NAV2: variants seen among roughly 807,000 people sequenced by gnomAD.
NAV2 encodes the protein helicase, APC down-regulated 1.
Under a neutral mutation model 223.2 loss-of-function variants are expected in NAV2, and 54 were observed. The ratio of observed to expected loss-of-function variants is 0.24; its 90% CI spans 0.19 to 0.30. The LOEUF (loss-of-function observed/expected upper bound fraction) is 0.30, where lower values mean the gene tolerates loss of function less well. Ranked by LOEUF, NAV2 falls within the 10% of genes least tolerant of loss-of-function variation. The pLI is 1.00. For missense variants in NAV2, 2,806 were observed against 3,147.5 expected, an observed-to-expected ratio of 0.89 and a Z score of 2.60; for synonymous variants, 1,279 against 1,239.3, an observed-to-expected ratio of 1.03 and a Z score of -0.67.
At chr11:19,737,473 A>G (rs1309997990) in intron 1 of NAV2, among the ~76,000 whole-genome samples, 1 of 152,178 alleles carries the variant, frequency 6.6e-6, no homozygotes, top group Non-Finnish European at 1.5e-5. Context: ...AGATGGGGAA[A>G]GGGCCCAGCT....
intron 1 of NAV2, among the ~76,000 whole-genome samples, chr11:19,773,632 A>G (rs189155762): frequency 6.6e-6 from 1 of 152,290 alleles, no homozygotes; most frequent in East Asian, 1.9e-4. Context: ...GAGGAAGGAG[A>G]AAGGTGGTAG....
At chr11:20,051,354 C>G in intron 17 of NAV2, 21 bp downstream of exon 17, 1 of 1,610,294 alleles carries the variant, frequency 6.2e-7, no homozygotes, top group Non-Finnish European at 8.5e-7. Context: ...TTCCTCCTTG[C>G]ATCTGTGCCA....
chr11:19,398,920 C>A (rs555422851), intron 1 of NAV2, among the ~76,000 whole-genome samples: 1 of 152,274 alleles, frequency 6.6e-6, no homozygotes, highest in South Asian at 2.1e-4. Context: ...TTGCTTAAGT[C>A]GCAGCTGGAG....
intron 1 of NAV2, among the ~76,000 whole-genome samples, chr11:19,611,805 G>A (rs955076984): frequency 6.6e-6 from 1 of 152,198 alleles, no homozygotes; most frequent in African/African-American, 2.4e-5. Flanking sequence ...GCTGCAAGCT[G>A]TCAGTCGATC....
chr11:19,700,856 T>C (rs1404840896), intron 1 of NAV2, among the ~76,000 whole-genome samples: 4 of 152,240 alleles, frequency 2.6e-5, no homozygotes, highest in Non-Finnish European at 4.4e-5. Flanking sequence ...TTTTGATTCT[T>C]ACTAACATTT....
intron 1 of NAV2, among the ~76,000 whole-genome samples, chr11:19,707,263 T>A (rs1473164499): frequency 6.6e-6 from 1 of 152,224 alleles, no homozygotes; most frequent in Non-Finnish European, 1.5e-5. Flanking sequence ...TAACTGTAAC[T>A]TTTTTACTTT....
At chr11:19,979,153 G>A (rs2050078017) in intron 10 of NAV2, 1 of 152,186 alleles carries the variant, frequency 6.6e-6, no homozygotes, top group African/African-American at 2.4e-5. Context: ...CAGAGGTCTG[G>A]GATGACTCAG....
chr11:20,078,166 ACAT>A (rs2059879062), intron 24 of NAV2, 62 bp downstream of exon 24: 1 of 1,143,430 alleles, frequency 8.7e-7, no homozygotes, highest in African/African-American at 1.6e-5. Context: ...CCCTCCCCTG[ACAT>A]CATATGATGC....
At chr11:19,723,088 C>G (rs1052358684) in intron 1 of NAV2, among the ~76,000 whole-genome samples, 1 of 152,186 alleles carries the variant, frequency 6.6e-6, no homozygotes. Context: ...TCCTGCCCCC[C>G]ACCCCCAACC....
At chr11:20,085,940 T>G (rs1390869695) in intron 26 of NAV2, among the ~76,000 whole-genome samples, 1 of 152,130 alleles carries the variant, frequency 6.6e-6, no homozygotes, top group Non-Finnish European at 1.5e-5. Flanking sequence ...GGTGAACACA[T>G]AGCAGCCTCT....
In NAV2 at chr11:19,542,462, G is replaced by A. The variant is rs977191466; in HGVS notation, c.75+191435G>A. Among the ~76,000 whole-genome samples the A allele has an allele frequency of 1.2e-4, 18 of 152,186 alleles. 1 individual carries two copies. The highest frequency in any genetic ancestry group is 1.1e-3 in the Admixed American group (17 of 15,286). On this transcript the variant is annotated intron_variant, in intron 1 of 37. Coordinates refer to the NAV2 transcript ENST00000360655. ...TTGAGGAAGGATCACTCCAGAGCCC[G>A]AGCTCTTAAGCACTTTGCTCCGCTG...
intron 5 of NAV2, among the ~76,000 whole-genome samples, chr11:19,892,099 T>C (rs2041547170): frequency 6.6e-6 from 1 of 152,184 alleles, no homozygotes; most frequent in South Asian, 2.1e-4. Flanking sequence ...GCTGGGATTA[T>C]AGGTGCCCAC....
chr11:20,022,456 A>C (rs1475617414), intron 11 of NAV2: 1 of 772,460 alleles, frequency 1.3e-6, no homozygotes, highest in Non-Finnish European at 1.6e-6. Context: ...TTGGCACTGC[A>C]TCAAAATTGA....
intron 1 of NAV2, chr11:19,760,099 C>G: frequency 6.6e-6 from 1 of 152,474 alleles, no homozygotes. Context: ...GAAAAATACT[C>G]CCAGTTAAGT....
intron 6 of NAV2, among the ~76,000 whole-genome samples, chr11:19,920,934 T>G (rs2153228838): frequency 6.6e-6 from 1 of 152,318 alleles, no homozygotes; most frequent in South Asian, 2.1e-4. Context: ...TACCACCAAC[T>G]TGTCACAGCC....
intron 1 of NAV2, among the ~76,000 whole-genome samples, chr11:19,514,757 C>G (rs754145492): frequency 5.3e-5 from 8 of 152,170 alleles, no homozygotes; most frequent in Non-Finnish European, 7.3e-5. Context: ...AAGTCTCCTG[C>G]CCGCAGCAGC....
At chr11:19,974,726 C>T (rs2049559075) in intron 10 of NAV2, among the ~76,000 whole-genome samples, 1 of 152,186 alleles carries the variant, frequency 6.6e-6, no homozygotes, top group African/African-American at 2.4e-5. Context: ...CAGCAGTGTA[C>T]AGTCTACCTT....
At chr11:19,414,761 C>T (rs955026633) in intron 1 of NAV2, among the ~76,000 whole-genome samples, 8 of 152,250 alleles carry the variant, frequency 5.3e-5, no homozygotes, top group South Asian at 2.1e-4. Context: ...GATGACAGTG[C>T]GATCAAATTA....
intron 1 of NAV2, among the ~76,000 whole-genome samples, chr11:19,654,304 T>C (rs2048054374): frequency 6.6e-6 from 1 of 152,162 alleles, no homozygotes; most frequent in Admixed American, 6.5e-5. Context: ...ATCATGAAAA[T>C]GGCCATACTG....
Sources: gnomAD v4.1 joint callset for allele counts (sites outside exome capture counted in the v4.1 genomes callset) on GRCh38, gnomAD v4.1.1 for gene constraint, MANE v1.5 for transcripts, NCBI Gene and HGNC (gene_info 2026-07-23, HGNC 2026-07-21) for gene names.